KCNC2: variants seen among roughly 807,000 people sequenced by gnomAD.
The protein encoded by KCNC2 is potassium voltage-gated channel subfamily C member 2, also known as voltage-gated potassium channel KCNC2.
KCNC2 carries 21 observed loss-of-function variants against 44.5 expected under a neutral mutation model. The observed-to-expected ratio is 0.47, with a 90% CI of 0.33 to 0.68. The LOEUF is 0.68. Among genes scored for constraint, KCNC2 ranks in the 30% least tolerant of loss-of-function variants. KCNC2 has a pLI of 0.01. For missense variants in KCNC2, 589 were observed against 826.2 expected, an observed-to-expected ratio of 0.71 and a Z score of 3.52; for synonymous variants, 391 against 339.1, an observed-to-expected ratio of 1.15 and a Z score of -1.68.
intron 2 of KCNC2, among the ~76,000 whole-genome samples, chr12:75,109,393 A>G (rs1887043845): frequency 6.6e-6 from 1 of 152,168 alleles, no homozygotes; most frequent in Non-Finnish European, 1.5e-5. Context: ...TGAAGTGATT[A>G]TTTAGACCGT....
intron 2 of KCNC2, among the ~76,000 whole-genome samples, chr12:75,051,550 T>C (rs963709128): frequency 6.6e-5 from 10 of 152,158 alleles, no homozygotes; most frequent in Admixed American, 1.3e-4. Context: ...GTTTGCTTTA[T>C]GTTGGAATAT....
intron 2 of KCNC2, among the ~76,000 whole-genome samples, chr12:75,126,731 C>T (rs1389585222): frequency 6.6e-6 from 1 of 151,848 alleles, no homozygotes; most frequent in Non-Finnish European, 1.5e-5. Flanking sequence ...ATCTTAAACA[C>T]TATAGGGTCC....
At chr12:75,085,294 T>C (rs949939528) in intron 2 of KCNC2, among the ~76,000 whole-genome samples, 1 of 152,030 alleles carries the variant, frequency 6.6e-6, no homozygotes, top group South Asian at 2.1e-4. Flanking sequence ...GCATCCTTTC[T>C]ATTATTCACC....
At chr12:75,120,277 T>A (rs1320078024) in intron 2 of KCNC2, among the ~76,000 whole-genome samples, 1 of 152,236 alleles carries the variant, frequency 6.6e-6, no homozygotes, top group East Asian at 1.9e-4. Flanking sequence ...TGATTTATGT[T>A]GCAGTATAGA....
intron 2 of KCNC2, among the ~76,000 whole-genome samples, chr12:75,196,910 C>A (rs182623602): frequency 2.6e-5 from 4 of 152,196 alleles, no homozygotes; most frequent in African/African-American, 9.6e-5. Context: ...GTAACCAGTT[C>A]TAATACTGGT....
chr12:75,202,294 T>C (rs974960136), intron 2 of KCNC2, among the ~76,000 whole-genome samples: 2 of 151,904 alleles, frequency 1.3e-5, no homozygotes, highest in African/African-American at 2.4e-5. Flanking sequence ...CATATGTATA[T>C]CACTTGTATG....
chr12:75,058,899 T>G (rs931116441), intron 2 of KCNC2, among the ~76,000 whole-genome samples: 1 of 152,018 alleles, frequency 6.6e-6, no homozygotes, highest in African/African-American at 2.4e-5. Flanking sequence ...CTGTAGTACT[T>G]TTTCTTCCTT....
At chr12:75,043,524 T>C in intron 4 of KCNC2, 23 of 1,232,028 alleles carry the variant, frequency 1.9e-5, no homozygotes, top group Non-Finnish European at 2.4e-5. Context: ...GCATATAGAA[T>C]ACTAGAACTC....
At chr12:75,201,284 AAAAAAAAAAAAAAAC>A (rs1278569358) in intron 2 of KCNC2, among the ~76,000 whole-genome samples, 5,315 of 122,828 alleles carry the variant, frequency 0.043, 380 homozygotes, top group Non-Finnish European at 0.062. Context: ...AAAAAAAAAA[AAAAAAAAAAAAAAAC>A]CAGATTCTGG....
intron 2 of KCNC2, among the ~76,000 whole-genome samples, chr12:75,193,875 A>C (rs2030526889): frequency 6.6e-6 from 1 of 152,284 alleles, no homozygotes; most frequent in South Asian, 2.1e-4. Context: ...GAAGAGATTC[A>C]ATAGTATAAA....
chr12:75,198,427 C>G (rs540880539), intron 2 of KCNC2, among the ~76,000 whole-genome samples: 263 of 151,792 alleles, frequency 1.7e-3, no homozygotes, highest in African/African-American at 6.0e-3. Flanking sequence ...TCTATTCTGC[C>G]CATTTCCTAC....
chr12:75,120,227 T>G (rs1268454293), intron 2 of KCNC2, among the ~76,000 whole-genome samples: 1 of 152,202 alleles, frequency 6.6e-6, no homozygotes, highest in Non-Finnish European at 1.5e-5. Context: ...GTTGCAGAGA[T>G]TCCACGGTAT....
intron 2 of KCNC2, among the ~76,000 whole-genome samples, chr12:75,194,522 T>C (rs2030590028): frequency 3.3e-5 from 5 of 152,152 alleles, no homozygotes; most frequent in Admixed American, 3.3e-4. Flanking sequence ...TTTGAAGTCA[T>C]TTGGTTGTGG....
intron 2 of KCNC2, among the ~76,000 whole-genome samples, chr12:75,193,223 T>C (rs899067453): frequency 2.6e-4 from 40 of 152,288 alleles, no homozygotes; most frequent in African/African-American, 9.4e-4. Flanking sequence ...TTTAAAATGG[T>C]GAAAAATAAT....
At chr12:75,098,971 A>C (rs921001710) in intron 2 of KCNC2, among the ~76,000 whole-genome samples, 6 of 152,062 alleles carry the variant, frequency 3.9e-5, no homozygotes, top group Non-Finnish European at 8.8e-5. Context: ...CTGCTGATTC[A>C]TTGTTTGACC....
In KCNC2 at chr12:75,137,138, C is replaced by A. The variant is rs183972174; in HGVS notation, c.687+70159G>T. Among the ~76,000 whole-genome samples, 32 of 152,260 alleles carry A rather than the reference C, an allele frequency of 2.1e-4. No homozygotes were observed. In the East Asian group the frequency reaches 5.8e-3, roughly 28 times the overall value. On this transcript the variant is annotated intron_variant, in intron 2 of 4. Coordinates refer to ENST00000549446, the MANE Select transcript of KCNC2 (RefSeq NM_139137.4). The stretch of plus-strand genomic sequence containing the variant: ...TTTTAGGGCTTCTCTTTTCTCTTCT[C>A]TTTGGCCCTCAAAATACTGTCTCAA...
At chr12:75,171,751 A>G (rs1891835088) in intron 2 of KCNC2, among the ~76,000 whole-genome samples, 1 of 151,834 alleles carries the variant, frequency 6.6e-6, no homozygotes, top group South Asian at 2.1e-4. Context: ...AAAAATAGCT[A>G]GAAGAGAAGA....
At chr12:75,197,455 A>T (rs1278770241) in intron 2 of KCNC2, among the ~76,000 whole-genome samples, 1 of 152,040 alleles carries the variant, frequency 6.6e-6, no homozygotes, top group Non-Finnish European at 1.5e-5. Context: ...CCAAAATGTC[A>T]TCTTTGTTTC....
chr12:75,083,796 T>G (rs1390234627), intron 2 of KCNC2, among the ~76,000 whole-genome samples: 1 of 152,000 alleles, frequency 6.6e-6, no homozygotes, highest in East Asian at 1.9e-4. Flanking sequence ...AAAGATATTT[T>G]ATAATAAATA....
Sources: gnomAD v4.1 joint callset for allele counts (sites outside exome capture counted in the v4.1 genomes callset) on GRCh38, gnomAD v4.1.1 for gene constraint, MANE v1.5 for transcripts, NCBI Gene and HGNC (gene_info 2026-07-23, HGNC 2026-07-21) for gene names.